The following HDAC9 variants were observed in gnomAD, a reference collection of about 807,000 sequenced individuals.
HDAC9 encodes the protein histone deacetylase 9, also known as MEF-2 interacting transcription repressor (MITR) protein.
In HDAC9, 41 loss-of-function variants were observed where a neutral mutation model predicts 139.4. The ratio of observed to expected loss-of-function variants is 0.29; its 90% confidence interval spans 0.23 to 0.38. The LOEUF is 0.38. Ranked by LOEUF, HDAC9 falls within the 10% of genes least tolerant of loss-of-function variation. The pLI is 1.00. For synonymous variants in HDAC9, 517 were observed against 476.2 expected (o/e 1.09, Z -1.12); for missense variants, 1,147 against 1,297.0 (o/e 0.88, Z 1.78).
chr7:18,279,227 C>G (rs1476158973), intron 2 of HDAC9, among the ~76,000 whole-genome samples: 4 of 152,138 alleles, frequency 2.6e-5, no homozygotes, highest in Non-Finnish European at 5.9e-5. Context: ...TTCCGACTTT[C>G]AGATTTTTGT....
intron 1 of HDAC9, among the ~76,000 whole-genome samples, chr7:18,124,899 CTT>C (rs11433623): frequency 3.5e-5 from 5 of 144,066 alleles, no homozygotes; most frequent in African/African-American, 5.1e-5. Context: ...CTTTCTTTTT[CTT>C]TTTTTTTTTT....
chr7:18,210,721 C>A (rs540233185), intron 2 of HDAC9, among the ~76,000 whole-genome samples: 2 of 152,232 alleles, frequency 1.3e-5, no homozygotes, highest in South Asian at 2.1e-4. Flanking sequence ...CTCTTTTCTA[C>A]TTCTAGATTT....
chr7:18,578,764 AGCAAAGACT>A (rs1203093530), intron 2 of HDAC9, among the ~76,000 whole-genome samples: 5 of 152,214 alleles, frequency 3.3e-5, no homozygotes, highest in Admixed American at 3.3e-4. Flanking sequence ...GTATGATTAG[AGCAAAGACT>A]GCAATGTGCT....
intron 1 of HDAC9, among the ~76,000 whole-genome samples, chr7:18,446,722 C>T (rs1792328813): frequency 6.6e-6 from 1 of 151,916 alleles, no homozygotes; most frequent in Non-Finnish European, 1.5e-5. Flanking sequence ...AACATATATT[C>T]CAAGTGTCAT....
chr7:18,991,795 A>G (rs1039331446), intron 25 of HDAC9, among the ~76,000 whole-genome samples: 3 of 152,258 alleles, frequency 2.0e-5, no homozygotes, highest in Non-Finnish European at 2.9e-5. Flanking sequence ...AAATAAATGC[A>G]AATTTGAATA....
At chr7:18,789,016 C>G (rs144661248) in intron 16 of HDAC9, among the ~76,000 whole-genome samples, 105 of 152,168 alleles carry the variant, frequency 6.9e-4, no homozygotes, top group African/African-American at 2.2e-3. Context: ...GAAGGGGTCT[C>G]TACTCTGAAT....
At chr7:18,448,451 AC>A (rs1377536275) in intron 1 of HDAC9, among the ~76,000 whole-genome samples, 1 of 152,200 alleles carries the variant, frequency 6.6e-6, no homozygotes, top group African/African-American at 2.4e-5. Flanking sequence ...ATGGTTTGGT[AC>A]CTTTTCTTTA....
intron 1 of HDAC9, among the ~76,000 whole-genome samples, chr7:18,101,165 C>T (rs1368100604): frequency 6.6e-6 from 1 of 152,170 alleles, no homozygotes; most frequent in Non-Finnish European, 1.5e-5. Context: ...AATATCTCTT[C>T]ATATTTAGCT....
intron 1 of HDAC9, among the ~76,000 whole-genome samples, chr7:18,390,827 G>C (rs967162714): frequency 6.6e-6 from 1 of 152,124 alleles, no homozygotes; most frequent in Non-Finnish European, 1.5e-5. Flanking sequence ...GGTGGCTCAC[G>C]CCTGTAATCC....
chr7:18,138,527 G>GTGT (rs373098473), intron 1 of HDAC9, among the ~76,000 whole-genome samples: 10 of 142,652 alleles, frequency 7.0e-5, no homozygotes, highest in Admixed American at 2.1e-4. Flanking sequence ...GAGAGAGAGA[G>GTGT]GTGTGTGTGT....
chr7:18,294,437 G>A (rs1388427944), intron 1 of HDAC9, among the ~76,000 whole-genome samples: 1 of 152,092 alleles, frequency 6.6e-6, no homozygotes, highest in Non-Finnish European at 1.5e-5. Flanking sequence ...GTCTTTGGGG[G>A]ATCAAGGATA....
chr7:18,842,356 C>T (rs1174189473), intron 21 of HDAC9, among the ~76,000 whole-genome samples: 1 of 152,052 alleles, frequency 6.6e-6, no homozygotes, highest in Non-Finnish European at 1.5e-5. Flanking sequence ...ACAAATCCAG[C>T]CCACATTTTC....
intron 16 of HDAC9, among the ~76,000 whole-genome samples, chr7:18,783,490 A>C (rs1196578156): frequency 6.6e-6 from 1 of 152,090 alleles, no homozygotes; most frequent in Non-Finnish European, 1.5e-5. Context: ...TATTAGATTC[A>C]ACAGATCATG....
intron 24 of HDAC9, among the ~76,000 whole-genome samples, chr7:18,968,958 CA>C (rs34379636): frequency 0.2 from 9,087 of 44,454 alleles, 241 homozygotes; most frequent in Middle Eastern, 0.24. Context: ...GCCTCCCTCT[CA>C]AAAAAAAAAA....
At chr7:18,733,141 G>A (rs1435487068) in intron 13 of HDAC9, among the ~76,000 whole-genome samples, 1 of 144,442 alleles carries the variant, frequency 6.9e-6, no homozygotes, top group Non-Finnish European at 1.5e-5. Context: ...ATATACACAT[G>A]TATACACATA....
In HDAC9 at chr7:18,444,341, GAAAAAAAAAAAAAAA is replaced by G. The variant is rs754142568; in HGVS notation, c.-41-51909_-41-51895del. ...TAGGTGACAGAGTGAGACCCTGTCTGAAAAAAAAAAAAAAAAAAAAAAAAAAGAGTGATGTGCTAT... is the reference window on the plus strand; with the variant it reads ...TAGGTGACAGAGTGAGACCCTGTCTGAAAAAAAAAAAGAGTGATGTGCTAT... On this transcript the variant is annotated intron_variant, in intron 1 of 3. Transcript: ENST00000413509. Among the ~76,000 whole-genome samples the G allele has an allele frequency of 3.5e-3, 122 of 35,176 alleles. 1 individual carries two copies. The East Asian group carries it at 0.09, about 26-fold the overall frequency. The allele number at this position is 35,176 out of a possible 152,430, so 23.1% of individuals were successfully genotyped here.
At chr7:18,745,793 G>A (rs1012035455) in intron 13 of HDAC9, among the ~76,000 whole-genome samples, 11 of 150,908 alleles carry the variant, frequency 7.3e-5, no homozygotes, top group South Asian at 4.2e-4. Context: ...TGATCCATCC[G>A]CCTCGGCCTC....
At chr7:18,697,323 A>G (rs1004927767) in intron 12 of HDAC9, among the ~76,000 whole-genome samples, 1 of 152,142 alleles carries the variant, frequency 6.6e-6, no homozygotes, top group Non-Finnish European at 1.5e-5. Context: ...TTTTTTTTAA[A>G]TCAGGAATGC....
At chr7:18,158,989 G>T (rs554330671) in intron 1 of HDAC9, among the ~76,000 whole-genome samples, 2 of 152,212 alleles carry the variant, frequency 1.3e-5, no homozygotes, top group African/African-American at 2.4e-5. Context: ...TGAAGCAAAG[G>T]ACTCTTAGTC....
Sources: gnomAD v4.1 joint callset for allele counts (sites outside exome capture counted in the v4.1 genomes callset) on GRCh38, gnomAD v4.1.1 for gene constraint, MANE v1.5 for transcripts, NCBI Gene and HGNC (gene_info 2026-07-23, HGNC 2026-07-21) for gene names.